Variants in FOXP1 observed in about 807,000 individuals in gnomAD.
FOXP1 encodes the protein forkhead box protein P1.
FOXP1 carries 15 observed loss-of-function variants against 98.2 expected under a neutral mutation model. That is an observed-to-expected ratio of 0.15 (90% confidence interval 0.10 to 0.24). The LOEUF is 0.24. Among genes scored for constraint, FOXP1 ranks in the 10% least tolerant of loss-of-function variants. The pLI is 1.00. For missense variants in FOXP1, 633 were observed against 848.5 expected (o/e 0.75, Z 3.15); for synonymous variants, 371 against 314.5 (o/e 1.18, Z -1.90).
chr3:71,558,472 T>C (rs911767146), intron 2 of FOXP1, among the ~76,000 whole-genome samples: 6 of 152,032 alleles, frequency 3.9e-5, no homozygotes, highest in Non-Finnish European at 7.4e-5. Context: ...TCGTTCTTTT[T>C]CTTGTTTTTG....
At chr3:71,321,890 G>A (rs1398912625) in intron 4 of FOXP1, among the ~76,000 whole-genome samples, 1 of 152,162 alleles carries the variant, frequency 6.6e-6, no homozygotes, top group East Asian at 1.9e-4. Flanking sequence ...AAAGTGCTGG[G>A]ATTACAGGCG....
chr3:71,582,566 G>A (rs888099770), intron 1 of FOXP1: 1 of 985,446 alleles, frequency 1.0e-6, no homozygotes, highest in Non-Finnish European at 1.2e-6. Flanking sequence ...CGCGACGCAG[G>A]ACAAATCGGA....
intron 3 of FOXP1, among the ~76,000 whole-genome samples, chr3:71,381,538 G>A (rs1458593030): frequency 6.6e-6 from 1 of 150,892 alleles, no homozygotes; most frequent in African/African-American, 2.4e-5. Flanking sequence ...AACCTCCTCG[G>A]GTTCAAGTGA....
chr3:71,401,372 G>A (rs1022468257), intron 3 of FOXP1, among the ~76,000 whole-genome samples: 1 of 152,146 alleles, frequency 6.6e-6, no homozygotes, highest in African/African-American at 2.4e-5. Flanking sequence ...CAGCTGCCAG[G>A]GGAGGGTATC....
intron 2 of FOXP1, among the ~76,000 whole-genome samples, chr3:71,533,590 A>G (rs1016475820): frequency 6.6e-6 from 1 of 152,228 alleles, no homozygotes; most frequent in East Asian, 1.9e-4. Context: ...CTGTGTGGAA[A>G]ATTGGCGTCC....
chr3:71,108,064 G>A (rs2057590082), intron 7 of FOXP1, among the ~76,000 whole-genome samples: 1 of 152,158 alleles, frequency 6.6e-6, no homozygotes. Context: ...GGCATGGGCA[G>A]GAAGGAAAAC....
At chr3:71,092,231 CATGG>C (rs1327463817) in intron 7 of FOXP1, among the ~76,000 whole-genome samples, 1 of 151,606 alleles carries the variant, frequency 6.6e-6, no homozygotes, top group Non-Finnish European at 1.5e-5. Context: ...ATTAGCTGGG[CATGG>C]TGGTGCACGC....
intron 5 of FOXP1, among the ~76,000 whole-genome samples, chr3:71,218,679 C>T (rs1560133589): frequency 6.6e-6 from 1 of 152,200 alleles, no homozygotes; most frequent in Non-Finnish European, 1.5e-5. Context: ...AAATATAACC[C>T]AGCCCATCTG....
In FOXP1 at chr3:71,517,297, C is replaced by T. The variant is rs1234028134; in HGVS notation, c.-297-23742G>A. Among the ~76,000 whole-genome samples the T allele has an allele frequency of 1.3e-5, 2 of 152,108 alleles. 1 individual carries two copies. The highest frequency in any genetic ancestry group is 4.1e-4 in the South Asian group (2 of 4,830). The stretch of plus-strand genomic sequence containing the variant: ...CACAGCATTGAAGAGAAGGCAATAA[C>T]GAAAGGCTTTCAAATGATGGAAATG... On this transcript the variant is annotated intron_variant, in intron 2 of 20. Coordinates refer to ENST00000649528, the MANE Select transcript of FOXP1 (RefSeq NM_001349338.3).
At chr3:71,098,714 G>A (rs939244619) in intron 7 of FOXP1, among the ~76,000 whole-genome samples, 2 of 152,028 alleles carry the variant, frequency 1.3e-5, no homozygotes, top group Non-Finnish European at 2.9e-5. Context: ...GGAATGGTGC[G>A]GAATGTCACA....
chr3:71,203,551 T>A (rs947274882), intron 5 of FOXP1, among the ~76,000 whole-genome samples: 1 of 152,222 alleles, frequency 6.6e-6, no homozygotes, highest in East Asian at 1.9e-4. Flanking sequence ...CTTGTTATCA[T>A]GCTTGTGAAA....
intron 6 of FOXP1, among the ~76,000 whole-genome samples, chr3:71,153,633 G>C (rs1237041672): frequency 6.6e-6 from 1 of 151,976 alleles, no homozygotes; most frequent in Non-Finnish European, 1.5e-5. Context: ...ACACATCATG[G>C]AATGGCCCTG....
chr3:71,174,021 T>A (rs2061788058), intron 6 of FOXP1, among the ~76,000 whole-genome samples: 1 of 152,216 alleles, frequency 6.6e-6, no homozygotes, highest in Non-Finnish European at 1.5e-5. Context: ...CTATGCATGG[T>A]CTAGGAAGGG....
chr3:71,324,109 C>G (rs942960535), intron 4 of FOXP1, among the ~76,000 whole-genome samples: 1 of 151,858 alleles, frequency 6.6e-6, no homozygotes, highest in South Asian at 2.1e-4. Flanking sequence ...AATTCATACT[C>G]TATGTTCCTG....
At chr3:71,288,064 G>C (rs938764564) in intron 5 of FOXP1, among the ~76,000 whole-genome samples, 2 of 152,020 alleles carry the variant, frequency 1.3e-5, no homozygotes, top group Non-Finnish European at 2.9e-5. Context: ...ATTTTTAGTA[G>C]AGACGGGGTT....
intron 3 of FOXP1, among the ~76,000 whole-genome samples, chr3:71,440,712 A>G (rs2085854566): frequency 6.6e-6 from 1 of 151,410 alleles, no homozygotes; most frequent in South Asian, 2.1e-4. Flanking sequence ...AAAAAAAAAA[A>G]TAGTTATCCA....
intron 14 of FOXP1, among the ~76,000 whole-genome samples, chr3:70,980,436 C>T (rs918800804): frequency 6.6e-6 from 1 of 152,168 alleles, no homozygotes; most frequent in Admixed American, 6.5e-5. Context: ...ACTGTGTGGT[C>T]TCCTTCAATT....
At chr3:71,097,381 A>T (rs2056564191) in intron 7 of FOXP1, among the ~76,000 whole-genome samples, 1 of 152,208 alleles carries the variant, frequency 6.6e-6, no homozygotes, top group Non-Finnish European at 1.5e-5. Flanking sequence ...AAAACAGAGT[A>T]AGTAGTTGCC....
intron 19 of FOXP1, chr3:70,968,434 ATAT>A (rs2107099305): frequency 7.0e-6 from 1 of 143,220 alleles, no homozygotes; most frequent in Non-Finnish European, 1.5e-5. Context: ...GGAGTTAATT[ATAT>A]AAATGGTCCT....
Sources: allele counts gnomAD v4.1 joint callset (sites outside exome capture counted in the v4.1 genomes callset), GRCh38; gene constraint gnomAD v4.1.1; transcripts MANE v1.5; gene names NCBI Gene and HGNC (gene_info 2026-07-23, HGNC 2026-07-21).